WAPL: variants seen among roughly 807,000 people sequenced by gnomAD.
WAPL encodes the protein WAPL cohesin release factor.
WAPL carries 5 observed loss-of-function variants against 121.0 expected under a neutral mutation model. The ratio of observed to expected loss-of-function variants is 0.04; its 90% CI spans 0.02 to 0.09. The LOEUF is 0.09. Among genes scored for constraint, WAPL ranks in the 10% least tolerant of loss-of-function variants. The probability of loss-of-function intolerance (pLI) is 1.00; values close to 1 mark genes in which losing one functional copy is unlikely to be tolerated. For synonymous variants in WAPL, 480 were observed against 481.5 expected (o/e 1.00, Z 0.04); for missense variants, 999 against 1,410.8 (o/e 0.71, Z 4.68).
chr10:86,475,336 T>C (rs1841627105), intron 4 of WAPL, among the ~76,000 whole-genome samples: 1 of 152,228 alleles, frequency 6.6e-6, no homozygotes, highest in African/African-American at 2.4e-5. Context: ...AGAGATTTTC[T>C]CTTATGAAAC....
At chr10:86,491,136 CTTTTTTTTTTTTT>C (rs34863367) in intron 4 of WAPL, among the ~76,000 whole-genome samples, 3 of 102,788 alleles carry the variant, frequency 2.9e-5, no homozygotes, top group Non-Finnish European at 5.7e-5. Context: ...ACTCATGGTT[CTTTTTTTTTTTTT>C]TTTTTTTTAA....
intron 11 of WAPL, 90 bp from the exon 12 acceptor site, chr10:86,459,155 C>A (rs1048081851): frequency 1.9e-5 from 20 of 1,030,304 alleles, no homozygotes; most frequent in Middle Eastern, 2.2e-4. Flanking sequence ...GTAAAAGATA[C>A]AAAGATGAGG....
chr10:86,455,996 G>C (rs1304910758), intron 12 of WAPL, among the ~76,000 whole-genome samples: 1 of 152,182 alleles, frequency 6.6e-6, no homozygotes, highest in Non-Finnish European at 1.5e-5. Flanking sequence ...GGATTTACTA[G>C]TTGAATGTTT....
intron 2 of WAPL, among the ~76,000 whole-genome samples, chr10:86,502,145 A>T (rs1387900726): frequency 6.6e-6 from 1 of 152,262 alleles, no homozygotes; most frequent in African/African-American, 2.4e-5. Context: ...AAATTACATA[A>T]GTAACAAGAA....
intron 11 of WAPL, among the ~76,000 whole-genome samples, chr10:86,459,836 C>T (rs1312574060): frequency 2.0e-5 from 3 of 152,246 alleles, no homozygotes; most frequent in East Asian, 3.9e-4. Context: ...ATTGGAGGGG[C>T]CCAGCAAAGT....
At chr10:86,491,486 C>T (rs1453282439) in intron 4 of WAPL, among the ~76,000 whole-genome samples, 1 of 151,968 alleles carries the variant, frequency 6.6e-6, no homozygotes, top group African/African-American at 2.4e-5. Flanking sequence ...AAGAAAGGCC[C>T]TTGATGCGAT....
chr10:86,489,547 T>C (rs1431738960), intron 4 of WAPL, among the ~76,000 whole-genome samples: 1 of 152,076 alleles, frequency 6.6e-6, no homozygotes, highest in Non-Finnish European at 1.5e-5. Flanking sequence ...CCAGGAAACA[T>C]TTGGCAATGT....
Position 86,500,601 on chromosome 10 carries a change from C to A in WAPL, c.642G>T (p.Gln214His), listed in dbSNP as rs375869603. The change falls in exon 3 of 19, where the codon CAG becomes CAT. Residue 214 changes from glutamine (Q) to histidine (H), a missense_variant. Coordinates refer to ENST00000298767, the MANE Select transcript of WAPL (RefSeq NM_015045.5). ...IKETNDTWNS[Q>H]FGKRPESPSE... ...ATGGTGATTCTGGCCTTTTCCCAAA[C>A]TGGGAGTTCCAAGTATCATTTGTTT... is the stretch of plus-strand genomic sequence containing the variant. 1.2e-6 allele frequency: 2 copies of A among 1,614,058 alleles called. No homozygotes were observed. Among genetic ancestry groups the A allele is most frequent in the African/African-American group, 1.3e-5 (1 of 74,932 alleles).
intron 4 of WAPL, among the ~76,000 whole-genome samples, chr10:86,481,676 A>C (rs1201307956): frequency 1.3e-5 from 2 of 152,104 alleles, no homozygotes; most frequent in Admixed American, 6.6e-5. Context: ...CCGGGCTGAA[A>C]AATTTTAGTC....
chr10:86,499,345 T>C (rs1200562165), intron 3 of WAPL, among the ~76,000 whole-genome samples: 3 of 152,174 alleles, frequency 2.0e-5, no homozygotes, highest in Non-Finnish European at 4.4e-5. Flanking sequence ...AGCTGTTGAT[T>C]CAAGCCTGAA....
At chr10:86,438,807 T>C (rs1320779031) in intron 17 of WAPL, among the ~76,000 whole-genome samples, 3 of 152,230 alleles carry the variant, frequency 2.0e-5, no homozygotes, top group Non-Finnish European at 4.4e-5. Flanking sequence ...ACCTCATCTA[T>C]GATAGATTCT....
chr10:86,445,636 C>T (rs977759502), intron 16 of WAPL, among the ~76,000 whole-genome samples: 4 of 151,966 alleles, frequency 2.6e-5, no homozygotes, highest in Non-Finnish European at 5.9e-5. Context: ...GCAATCCTCC[C>T]ACCTCAGCCT....
intron 4 of WAPL, among the ~76,000 whole-genome samples, chr10:86,487,581 A>G (rs1477023188): frequency 6.6e-6 from 1 of 152,126 alleles, no homozygotes; most frequent in Admixed American, 6.6e-5. Flanking sequence ...TCTCACAGAC[A>G]CGTATGCTTA....
chr10:86,515,773 C>G (rs1842543721), intron 2 of WAPL, among the ~76,000 whole-genome samples: 1 of 149,980 alleles, frequency 6.7e-6, no homozygotes. Flanking sequence ...CACAGCGAGA[C>G]TGTGTCTCAA....
chr10:86,488,713 C>T lies in WAPL; in HGVS notation c.1644+8488G>A, dbSNP rs1793700312. Among the ~76,000 whole-genome samples, 3 of 152,172 alleles carry T rather than the reference C, an allele frequency of 2.0e-5. 1 individual carries two copies. In the South Asian group the frequency reaches 6.2e-4, roughly 31 times the overall value. On this transcript the variant is annotated intron_variant, in intron 4 of 18. Coordinates refer to ENST00000298767, the MANE Select transcript of WAPL (RefSeq NM_015045.5). ...AATAAAGTAGAAATCCATGTTCATA[C>T]TGTAATAACTAAATGAATACATATA...
chr10:86,444,665 G>C (rs754854395), intron 16 of WAPL, among the ~76,000 whole-genome samples: 2 of 152,120 alleles, frequency 1.3e-5, no homozygotes, highest in African/African-American at 4.8e-5. Flanking sequence ...CAGTGCCCAG[G>C]GAGGAGGGGA....
chr10:86,443,226 A>G (rs551125094), intron 17 of WAPL, 49 bp downstream of exon 17: 11 of 1,451,082 alleles, frequency 7.6e-6, no homozygotes, highest in South Asian at 5.9e-5. Context: ...AAGTCGTTAC[A>G]TTGGAATCTT....
chr10:86,508,173 C>T (rs527590218), intron 2 of WAPL, among the ~76,000 whole-genome samples: 2 of 152,166 alleles, frequency 1.3e-5, no homozygotes, highest in South Asian at 4.1e-4. Context: ...CATTCTCCCA[C>T]TTTAAGTAAC....
chr10:86,506,624 A>G (rs910479056), intron 2 of WAPL, among the ~76,000 whole-genome samples: 2 of 152,006 alleles, frequency 1.3e-5, no homozygotes, highest in Admixed American at 1.3e-4. Context: ...TCTCTCTACA[A>G]AAAAAAATTT....
Sources: gnomAD v4.1 joint callset for allele counts (sites outside exome capture counted in the v4.1 genomes callset) on GRCh38, gnomAD v4.1.1 for gene constraint, MANE v1.5 for transcripts, NCBI Gene and HGNC (gene_info 2026-07-23, HGNC 2026-07-21) for gene names.